FSTL5: variants seen among roughly 807,000 people sequenced by gnomAD.
FSTL5 encodes follistatin-related protein 5.
In FSTL5, 62 loss-of-function variants were observed where a neutral mutation model predicts 89.1. The observed-to-expected ratio is 0.70, with a 90% confidence interval of 0.57 to 0.86. The LOEUF (loss-of-function observed/expected upper bound fraction) is 0.86. Among genes scored for constraint, FSTL5 ranks in the 40% least tolerant of loss-of-function variants. FSTL5 has a pLI of 0.00. For missense variants in FSTL5, 1,057 were observed against 1,001.6 expected (o/e 1.06, Z -0.75); for synonymous variants, 383 against 346.2 (o/e 1.11, Z -1.18).
At chr4:161,759,324 T>C (rs1387932016) in intron 6 of FSTL5, 87 bp downstream of exon 6, 3 of 1,216,090 alleles carry the variant, frequency 2.5e-6, no homozygotes, top group East Asian at 5.5e-5. Context: ...AAACAGCTTG[T>C]ACTATGAGAG....
intron 2 of FSTL5, among the ~76,000 whole-genome samples, chr4:162,107,578 G>A (rs982215455): frequency 6.6e-6 from 1 of 152,068 alleles, no homozygotes; most frequent in African/African-American, 2.4e-5. Flanking sequence ...TTGCTTCCTC[G>A]TGAGTCTTCA....
intron 3 of FSTL5, among the ~76,000 whole-genome samples, chr4:161,991,644 T>C (rs1736114568): frequency 6.6e-6 from 1 of 152,192 alleles, no homozygotes. Context: ...AGCCCGTGTA[T>C]GCAGAGGGCC....
intron 10 of FSTL5, among the ~76,000 whole-genome samples, chr4:161,511,447 A>G (rs77035384): frequency 0.025 from 3,874 of 152,256 alleles, 159 homozygotes; most frequent in African/African-American, 0.088. Context: ...AAACATAAAT[A>G]CATGATGTGT....
Position 162,041,841 on chromosome 4 carries a change from A to G in FSTL5, c.127-8183T>C, listed in dbSNP as rs559168385. 2.6e-5 allele frequency: 4 copies of G among 152,246 alleles called. No homozygotes were observed. In the South Asian group the frequency reaches 8.3e-4, roughly 32 times the overall value. The allele number at this position is 152,246 out of a possible 1,614,324, so 9.4% of individuals were successfully genotyped here. ...TATTGCATACATATTCTGATGTTAC[A>G]TATTACATTTAGAAGTTATATGAAG... On this transcript the variant is annotated intron_variant, in intron 2 of 15. Coordinates refer to ENST00000306100, the MANE Select transcript of FSTL5 (RefSeq NM_020116.5).
intron 15 of FSTL5, among the ~76,000 whole-genome samples, chr4:161,403,141 A>G (rs1043095069): frequency 1.3e-5 from 2 of 152,088 alleles, no homozygotes; most frequent in Admixed American, 1.3e-4. Flanking sequence ...CAGAACTATT[A>G]ATAATCATTA....
At chr4:162,054,575 A>G (rs954101006) in intron 2 of FSTL5, among the ~76,000 whole-genome samples, 2 of 151,938 alleles carry the variant, frequency 1.3e-5, no homozygotes, top group East Asian at 1.9e-4. Flanking sequence ...AAGTAAAAAA[A>G]TGAAAACAAG....
rs148136741 is a variant in FSTL5 at position 161,990,167 on chromosome 4, T to G, written c.160+43458A>C. 2.9e-3 allele frequency among the ~76,000 whole-genome samples: 440 copies of G among 152,230 alleles called. 1 individual carries two copies. The highest frequency in any genetic ancestry group is 0.01 in the African/African-American group (418 of 41,548). ...TCTATCTAAACTAGTGGTGCTAGGT[T>G]TTTGAATAGCCCACTCTGTTTTAGA... On this transcript the variant is annotated intron_variant, in intron 3 of 15. Transcript: ENST00000306100.
chr4:161,695,621 C>T (rs531820810), intron 6 of FSTL5, among the ~76,000 whole-genome samples: 1 of 151,968 alleles, frequency 6.6e-6, no homozygotes, highest in Non-Finnish European at 1.5e-5. Flanking sequence ...CTGCCAACAT[C>T]CTTTGTTTTT....
At chr4:161,554,406 C>A (rs1429337752) in intron 8 of FSTL5, among the ~76,000 whole-genome samples, 2 of 151,612 alleles carry the variant, frequency 1.3e-5, no homozygotes, top group East Asian at 1.9e-4. Context: ...AAAAAAAAAT[C>A]TCTGTAAGGC....
At chr4:161,433,856 A>C (rs1732465849) in intron 15 of FSTL5, among the ~76,000 whole-genome samples, 1 of 152,162 alleles carries the variant, frequency 6.6e-6, no homozygotes, top group Admixed American at 6.5e-5. Context: ...AAGAAATGAA[A>C]GATCTCAACA....
intron 1 of FSTL5, among the ~76,000 whole-genome samples, chr4:162,145,350 C>T (rs1246628557): frequency 2.0e-5 from 3 of 152,022 alleles, no homozygotes. Context: ...AAATACAATT[C>T]TATTTTCAAA....
chr4:162,162,405 C>A lies in FSTL5; in HGVS notation c.-17+1210G>T, dbSNP rs999612256. On this transcript the variant is annotated intron_variant, in intron 1 of 15. Coordinates refer to ENST00000306100, the MANE Select transcript of FSTL5 (RefSeq NM_020116.5). Reference sequence around the variant, plus strand: ...CATTCCTATTAATATTGGACATCTACTTGCAACCTAAACTCTCTCTCTCTG... The same window carrying A: ...CATTCCTATTAATATTGGACATCTAATTGCAACCTAAACTCTCTCTCTCTG... Among the ~76,000 whole-genome samples the A allele has an allele frequency of 2.6e-5, 4 of 152,070 alleles. No individual in the cohort carries two copies. In the South Asian group the frequency reaches 8.3e-4, roughly 31 times the overall value.
intron 7 of FSTL5, among the ~76,000 whole-genome samples, chr4:161,593,612 T>A (rs10015314): frequency 0.58 from 88,478 of 151,686 alleles, 26,536 homozygotes; most frequent in East Asian, 0.74. Flanking sequence ...GCAAGGGGAA[T>A]CATACTGTAC....
intron 7 of FSTL5, among the ~76,000 whole-genome samples, chr4:161,648,413 C>T (rs1736225166): frequency 2.0e-5 from 3 of 152,074 alleles, no homozygotes; most frequent in African/African-American, 7.2e-5. Flanking sequence ...ACAGCCCCAT[C>T]GCACACCCTG....
At chr4:161,805,772 C>T (rs761083965) in intron 4 of FSTL5, among the ~76,000 whole-genome samples, 1 of 152,034 alleles carries the variant, frequency 6.6e-6, no homozygotes, top group Non-Finnish European at 1.5e-5. Flanking sequence ...CAGAGGGAGG[C>T]TTTGGAGACG....
At chr4:161,821,805 A>G (rs912781316) in intron 4 of FSTL5, among the ~76,000 whole-genome samples, 4 of 152,100 alleles carry the variant, frequency 2.6e-5, no homozygotes, top group African/African-American at 9.7e-5. Context: ...ATATATGAAT[A>G]CCACAATTTC....
At chr4:161,687,330 T>A (rs1478419245) in intron 6 of FSTL5, among the ~76,000 whole-genome samples, 2 of 152,240 alleles carry the variant, frequency 1.3e-5, no homozygotes, top group Non-Finnish European at 2.9e-5. Context: ...TCTTCTCATA[T>A]AAGACCCATC....
At chr4:161,592,269 C>CCAT (rs1315660084) in intron 7 of FSTL5, among the ~76,000 whole-genome samples, 3 of 151,886 alleles carry the variant, frequency 2.0e-5, no homozygotes, top group Admixed American at 6.6e-5. Flanking sequence ...CTTTTTATTA[C>CCAT]CATTATTATT....
At chr4:161,410,800 T>C (rs1003473287) in intron 15 of FSTL5, among the ~76,000 whole-genome samples, 7 of 151,096 alleles carry the variant, frequency 4.6e-5, no homozygotes, top group Non-Finnish European at 1.0e-4. Context: ...AAAATCTAAT[T>C]TTGCACTTAA....
Sources: gnomAD v4.1 joint callset for allele counts (sites outside exome capture counted in the v4.1 genomes callset) on GRCh38, gnomAD v4.1.1 for gene constraint, MANE v1.5 for transcripts, NCBI Gene and HGNC (gene_info 2026-07-23, HGNC 2026-07-21) for gene names.